PARP8: variants seen among roughly 807,000 people sequenced by gnomAD.
The protein encoded by PARP8 is protein mono-ADP-ribosyltransferase PARP8.
PARP8 carries 51 observed loss-of-function variants against 124.1 expected under a neutral mutation model. The ratio of observed to expected loss-of-function variants is 0.41; its 90% CI spans 0.33 to 0.52. PARP8 has a LOEUF of 0.52. Among genes scored for constraint, PARP8 ranks in the 20% least tolerant of loss-of-function variants. The pLI is 0.21. For synonymous variants in PARP8, 391 were observed against 361.5 expected (o/e 1.08, Z -0.93); for missense variants, 860 against 1,018.9 (o/e 0.84, Z 2.12).
At chr5:50,727,002 A>G (rs1431042314) in intron 2 of PARP8, among the ~76,000 whole-genome samples, 2 of 152,136 alleles carry the variant, frequency 1.3e-5, no homozygotes, top group Admixed American at 1.3e-4. Flanking sequence ...TATCTGGTAA[A>G]GATGACATTT....
chr5:50,721,439 T>C (rs1755868257), intron 2 of PARP8, among the ~76,000 whole-genome samples: 1 of 151,690 alleles, frequency 6.6e-6, no homozygotes, highest in Admixed American at 6.6e-5. Context: ...TTGTAGTCCA[T>C]GTATTTTGTA....
At chr5:50,792,479 GT>G (rs35302971) in intron 10 of PARP8, among the ~76,000 whole-genome samples, 23 of 147,256 alleles carry the variant, frequency 1.6e-4, no homozygotes, top group African/African-American at 9.9e-5. Flanking sequence ...ATTTTGACCT[GT>G]TTTTTTTTTT....
chr5:50,701,330 GA>G (rs1753572337), intron 2 of PARP8, among the ~76,000 whole-genome samples: 1 of 152,088 alleles, frequency 6.6e-6, no homozygotes, highest in African/African-American at 2.4e-5. Context: ...AAAATTATCA[GA>G]AATTGGTGTT....
At chr5:50,833,514 A>G in intron 23 of PARP8, 1 of 327,786 alleles carries the variant, frequency 3.1e-6, no homozygotes, top group Non-Finnish European at 6.0e-6. Flanking sequence ...TAATATCTGA[A>G]AAAAAAAAAA....
Position 50,828,385 on chromosome 5 carries a change from G to A in PARP8, c.2163+1G>A. On this transcript the variant is annotated splice_donor_variant, in intron 21 of 25. Transcript: ENST00000281631. LOFTEE classifies it high-confidence loss of function. Reference sequence around the variant, plus strand: ...TGTTGCTTCTAATACACGATTGCAGGTAGATTTTCTGAATGCTTTCACAAG... The same window carrying A: ...TGTTGCTTCTAATACACGATTGCAGATAGATTTTCTGAATGCTTTCACAAG... 1.2e-6 allele frequency: 2 copies of A among 1,610,596 alleles called. No homozygotes were observed. The highest frequency in any genetic ancestry group is 1.7e-5 in the Admixed American group (1 of 59,862).
intron 14 of PARP8, among the ~76,000 whole-genome samples, chr5:50,811,455 CAA>C (rs1314782879): frequency 1.3e-5 from 2 of 151,904 alleles, no homozygotes; most frequent in African/African-American, 4.8e-5. Context: ...GGATTGGTGA[CAA>C]AGTGTGTTGA....
At chr5:50,760,216 A>G (rs1346585394) in intron 4 of PARP8, 76 bp from the exon 5 acceptor site, 2 of 1,251,648 alleles carry the variant, frequency 1.6e-6, no homozygotes, top group Non-Finnish European at 2.1e-6. Flanking sequence ...GGGTAGTTTT[A>G]TACCAAAACT....
intron 7 of PARP8, among the ~76,000 whole-genome samples, chr5:50,775,415 C>T (rs189073630): frequency 9.5e-4 from 145 of 152,204 alleles, no homozygotes; most frequent in African/African-American, 2.9e-3. Context: ...ACCAGTCAAG[C>T]GTGGCGGCGC....
intron 23 of PARP8, 113 bp from the exon 24 acceptor site, chr5:50,833,865 CT>C (rs76422748): frequency 0.1 from 56,510 of 555,644 alleles, no homozygotes; most frequent in South Asian, 0.14. Flanking sequence ...TCTAGATAGG[CT>C]TTTTTTTTTT....
intron 2 of PARP8, among the ~76,000 whole-genome samples, chr5:50,719,836 G>A (rs933124304): frequency 2.6e-5 from 4 of 151,954 alleles, no homozygotes; most frequent in African/African-American, 9.7e-5. Context: ...AAGAATACCC[G>A]TTGGTAACAA....
chr5:50,804,371 G>A (rs6883701), intron 14 of PARP8, among the ~76,000 whole-genome samples: 10,020 of 152,156 alleles, frequency 0.066, 370 homozygotes, highest in Middle Eastern at 0.11. Context: ...GAAATACAGG[G>A]CATTGTTTTT....
chr5:50,756,852 T>C (rs1320882484), intron 3 of PARP8, among the ~76,000 whole-genome samples: 4 of 152,146 alleles, frequency 2.6e-5, no homozygotes, highest in East Asian at 3.8e-4. Context: ...CTGGCCACCA[T>C]TGTTCTTATT....
chr5:50,791,697 G>A (rs565938223), intron 10 of PARP8, among the ~76,000 whole-genome samples: 3 of 121,788 alleles, frequency 2.5e-5, no homozygotes, highest in African/African-American at 8.9e-5. Context: ...ACTTTTGTAT[G>A]ACTTTATGTT....
intron 15 of PARP8, among the ~76,000 whole-genome samples, chr5:50,817,397 T>C (rs1226450522): frequency 6.6e-6 from 1 of 152,238 alleles, no homozygotes; most frequent in Non-Finnish European, 1.5e-5. Flanking sequence ...CCCAGTATTC[T>C]GTCATAATCC....
chr5:50,688,785 AC>A (rs1419593617), intron 2 of PARP8, among the ~76,000 whole-genome samples: 1 of 152,176 alleles, frequency 6.6e-6, no homozygotes, highest in Non-Finnish European at 1.5e-5. Flanking sequence ...CCTGCCACTT[AC>A]CTATGATGAG....
intron 2 of PARP8, among the ~76,000 whole-genome samples, chr5:50,689,696 A>T (rs1306961963): frequency 6.6e-6 from 1 of 152,158 alleles, no homozygotes; most frequent in Admixed American, 6.5e-5. Flanking sequence ...TGACCCAGAA[A>T]ATGTTGCAGT....
chr5:50,680,212 C>G (rs1273871516), intron 2 of PARP8, among the ~76,000 whole-genome samples: 1 of 152,144 alleles, frequency 6.6e-6, no homozygotes, highest in East Asian at 1.9e-4. Context: ...TGGATCGGTG[C>G]CCTTTATTCG....
chr5:50,777,948 G>A, intron 7 of PARP8, 121 bp from the exon 8 acceptor site: 1 of 720,158 alleles, frequency 1.4e-6, no homozygotes, highest in South Asian at 1.8e-5. Flanking sequence ...TTAGATGTGA[G>A]CTATTTGTCA....
At chr5:50,835,682 A>G (rs1481858157) in intron 25 of PARP8, among the ~76,000 whole-genome samples, 2 of 152,252 alleles carry the variant, frequency 1.3e-5, no homozygotes, top group African/African-American at 4.8e-5. Context: ...GGGATGAAGA[A>G]TACAATAATG....
Sources: gnomAD v4.1 joint callset for allele counts (sites outside exome capture counted in the v4.1 genomes callset) on GRCh38, gnomAD v4.1.1 for gene constraint, MANE v1.5 for transcripts, NCBI Gene and HGNC (gene_info 2026-07-23, HGNC 2026-07-21) for gene names.